Variants in MAST2 observed in about 807,000 individuals in gnomAD.
MAST2 encodes microtubule associated serine/threonine kinase 2.
A neutral mutation model predicts 147.4 loss-of-function variants in MAST2; 70 were observed. That is an observed-to-expected ratio of 0.47 (90% CI 0.39 to 0.58). The LOEUF (loss-of-function observed/expected upper bound fraction) is 0.58. MAST2 is among the 20% of genes least tolerant of loss of function. The pLI, the probability that MAST2 is intolerant of heterozygous loss-of-function variation, is 0.00. For missense variants in MAST2, 2,080 were observed against 2,302.3 expected, an observed-to-expected ratio of 0.90 and a Z score of 1.98; for synonymous variants, 869 against 896.8, an observed-to-expected ratio of 0.97 and a Z score of 0.55.
At chr1:45,810,105 A>C (rs1644247369) in intron 1 of MAST2, among the ~76,000 whole-genome samples, 1 of 152,238 alleles carries the variant, frequency 6.6e-6, no homozygotes, top group Non-Finnish European at 1.5e-5. Context: ...GGCTTTGCTC[A>C]CAATAGGTGC....
chr1:45,832,851 G>A (rs1413355060), intron 3 of MAST2, among the ~76,000 whole-genome samples: 1 of 152,080 alleles, frequency 6.6e-6, no homozygotes, highest in Non-Finnish European at 1.5e-5. Flanking sequence ...ATTTTTTGGT[G>A]TATTTCACAG....
intron 5 of MAST2, among the ~76,000 whole-genome samples, chr1:45,995,116 G>A (rs4524993): frequency 0.8 from 121,136 of 152,018 alleles, 48,736 homozygotes; most frequent in East Asian, 0.98. Context: ...CTGGGATTAC[G>A]GGCGTGAGCC....
At chr1:45,955,597 A>G (rs1053105764) in intron 4 of MAST2, among the ~76,000 whole-genome samples, 1 of 152,102 alleles carries the variant, frequency 6.6e-6, no homozygotes, top group African/African-American at 2.4e-5. Flanking sequence ...CACCCAGAAG[A>G]TTGTACTTGA....
chr1:45,927,731 C>G (rs984204704), intron 4 of MAST2, among the ~76,000 whole-genome samples: 8 of 152,122 alleles, frequency 5.3e-5, no homozygotes, highest in African/African-American at 1.7e-4. Context: ...GACATGCATC[C>G]TTTTCAGCTG....
chr1:46,029,087 T>C (rs1571276580), intron 18 of MAST2, 154 bp downstream of exon 18: 1 of 832,134 alleles, frequency 1.2e-6, no homozygotes, highest in East Asian at 2.6e-5. Context: ...TCTCTGTGTT[T>C]CTGCATGTAC....
intron 4 of MAST2, among the ~76,000 whole-genome samples, chr1:45,905,175 T>A (rs1324986338): frequency 2.3e-5 from 3 of 130,218 alleles, no homozygotes; most frequent in African/African-American, 3.0e-5. Flanking sequence ...ATGTTTAATC[T>A]TTTTTTTTTT....
chr1:45,931,762 G>T (rs1347730397), intron 4 of MAST2, among the ~76,000 whole-genome samples: 1 of 151,786 alleles, frequency 6.6e-6, no homozygotes, highest in Non-Finnish European at 1.5e-5. Flanking sequence ...CCAAAGTGCT[G>T]GGATTACAGG....
chr1:45,827,741 A>G (rs1323157171), intron 2 of MAST2, among the ~76,000 whole-genome samples: 3 of 152,198 alleles, frequency 2.0e-5, no homozygotes, highest in African/African-American at 7.2e-5. Context: ...TAGATTTTAA[A>G]AGTATATTGT....
chr1:45,839,220 C>G (rs1256294475), intron 3 of MAST2, among the ~76,000 whole-genome samples: 1 of 151,830 alleles, frequency 6.6e-6, no homozygotes, highest in Non-Finnish European at 1.5e-5. Context: ...CCTCCGCCTC[C>G]CGGGTTCAAG....
intron 6 of MAST2, among the ~76,000 whole-genome samples, chr1:46,002,129 T>C (rs1645298960): frequency 6.6e-6 from 1 of 152,116 alleles, no homozygotes; most frequent in East Asian, 1.9e-4. Flanking sequence ...ATGTTTTGTT[T>C]GTTTGTTTTG....
intron 10 of MAST2, among the ~76,000 whole-genome samples, chr1:46,014,705 G>C (rs1368970201): frequency 1.3e-5 from 2 of 152,020 alleles, no homozygotes; most frequent in African/African-American, 4.8e-5. Flanking sequence ...AAGAGACTTA[G>C]ACTCCCACAC....
intron 5 of MAST2, among the ~76,000 whole-genome samples, chr1:45,996,749 A>ATAAG (rs1557446611): frequency 6.6e-6 from 1 of 152,180 alleles, no homozygotes; most frequent in East Asian, 1.9e-4. Flanking sequence ...TAAGTGCTAT[A>ATAAG]TAAGCCCTAT....
chr1:45,995,981 C>T (rs921697025), intron 5 of MAST2, among the ~76,000 whole-genome samples: 6 of 151,822 alleles, frequency 4.0e-5, no homozygotes, highest in African/African-American at 7.3e-5. Flanking sequence ...CAAAATGGTC[C>T]GCCATTATTT....
At chr1:45,937,066 CTTTTG>C (rs1656308576) in intron 4 of MAST2, among the ~76,000 whole-genome samples, 1 of 124,588 alleles carries the variant, frequency 8.0e-6, no homozygotes, top group Non-Finnish European at 1.6e-5. Flanking sequence ...TCTCCAGTCA[CTTTTG>C]TTTTTATTTA....
At chr1:45,945,608 G>T (rs1657916001) in intron 4 of MAST2, among the ~76,000 whole-genome samples, 1 of 152,142 alleles carries the variant, frequency 6.6e-6, no homozygotes, top group Non-Finnish European at 1.5e-5. Context: ...ACTAATACAG[G>T]ATGGGTTTAA....
chr1:45,969,274 C>T (rs893684515), intron 5 of MAST2, among the ~76,000 whole-genome samples: 4 of 152,212 alleles, frequency 2.6e-5, no homozygotes, highest in Admixed American at 1.3e-4. Flanking sequence ...ACGAGATGAA[C>T]TGAGTAAAAG....
chr1:45,938,955 C>T (rs1443121440), intron 4 of MAST2, among the ~76,000 whole-genome samples: 1 of 151,682 alleles, frequency 6.6e-6, no homozygotes, highest in Non-Finnish European at 1.5e-5. Context: ...TAGATACAAG[C>T]CCTTTATTAG....
At position 45,945,607 on chromosome 1, in the gene MAST2, G is replaced by A. The variant is rs1346772394; in HGVS notation, c.501-13779G>A. ...GAAAAGAAGGATTGTTACTAATACA[G>A]GATGGGTTTAATCTGTATTAGTAGC... On this transcript the variant is annotated intron_variant, in intron 4 of 28. Coordinates refer to ENST00000361297, the MANE Select transcript of MAST2 (RefSeq NM_015112.3). Among the ~76,000 whole-genome samples the A allele has an allele frequency of 2.6e-5, 4 of 152,262 alleles. No homozygotes were observed. In the East Asian group the frequency reaches 7.7e-4, roughly 29 times the overall value.
intron 21 of MAST2, 50 bp downstream of exon 21, chr1:46,030,288 G>T (rs371533006): frequency 3.9e-5 from 61 of 1,566,456 alleles, no homozygotes; most frequent in Middle Eastern, 3.8e-4. Context: ...AGGATCAGAA[G>T]AAGAGGGCCT....
Sources: allele counts gnomAD v4.1 joint callset (sites outside exome capture counted in the v4.1 genomes callset), GRCh38; gene constraint gnomAD v4.1.1; transcripts MANE v1.5; gene names NCBI Gene and HGNC (gene_info 2026-07-23, HGNC 2026-07-21).